The following TRIM8 variants were observed in gnomAD, a reference collection of about 807,000 sequenced individuals.
TRIM8 encodes the protein E3 ubiquitin-protein ligase TRIM8.
In TRIM8, 9 loss-of-function variants were observed where a neutral mutation model predicts 55.7. That is an observed-to-expected ratio of 0.16 (90% CI 0.10 to 0.28). The LOEUF is 0.28. Ranked by LOEUF, TRIM8 falls within the 10% of genes least tolerant of loss-of-function variation. The pLI is 1.00. For synonymous variants in TRIM8, 335 were observed against 333.3 expected, an observed-to-expected ratio of 1.01 and a Z score of -0.06; for missense variants, 556 against 736.4, an observed-to-expected ratio of 0.76 and a Z score of 2.83.
chr10:102,649,982 C>A (rs1340916490), intron 1 of TRIM8, among the ~76,000 whole-genome samples: 1 of 151,792 alleles, frequency 6.6e-6, no homozygotes, highest in African/African-American at 2.4e-5. Flanking sequence ...GCTGGCCGGG[C>A]AGGGACCTAA....
At position 102,656,499 on chromosome 10, in the gene TRIM8, T is replaced by C; in HGVS notation, c.1048+114T>C. ...CCAGTCTGGGAGACCTGTCCTCATATCCAGGCTTTGCCACTTGTAGCTGTG... is the reference window on the plus strand; with the variant it reads ...CCAGTCTGGGAGACCTGTCCTCATACCCAGGCTTTGCCACTTGTAGCTGTG... On this transcript the variant is annotated intron_variant, in intron 5 of 5. Coordinates refer to ENST00000643721, the MANE Select transcript of TRIM8 (RefSeq NM_030912.3). This position sits in a 1 kb window ranked among gnomAD's most constrained non-coding sequence, Gnocchi z 4.6. 1 of 1,468,218 alleles carries C rather than the reference T, an allele frequency of 6.8e-7. No individual in the cohort carries two copies. Among genetic ancestry groups the C allele is most frequent in the Middle Eastern group, 2.4e-4 (1 of 4,248 alleles). The allele number at this position is 1,468,218 out of a possible 1,614,324, so 90.9% of individuals were successfully genotyped here.
At chr10:102,649,590 C>T (rs577196778) in intron 1 of TRIM8, among the ~76,000 whole-genome samples, 11 of 152,316 alleles carry the variant, frequency 7.2e-5, no homozygotes, top group South Asian at 2.1e-4. Context: ...CTTTCTCTCT[C>T]GCCTCTTTGT....
chr10:102,655,370 A>G (rs2064016015), intron 3 of TRIM8, 57 bp downstream of exon 3: 1 of 1,517,752 alleles, frequency 6.6e-7, no homozygotes, highest in East Asian at 2.3e-5. Context: ...CCAAATTGAG[A>G]TCTGCAGTTT....
Position 102,656,985 on chromosome 10 carries a change from G to T in TRIM8, c.1287G>T (p.Pro429=). 1 of 1,612,444 alleles carries T rather than the reference G, an allele frequency of 6.2e-7. No individual in the cohort carries two copies. Among genetic ancestry groups the T allele is most frequent in the Non-Finnish European group, 8.5e-7 (1 of 1,179,742 alleles). ...CCACGCAGCACTTGGTGGCCCTGCC[G>T]GGCGGCGCCCAACCAGTGCACTCAA... is the stretch of plus-strand genomic sequence containing the variant. The part of the protein sequence containing the change: ...CSSTQHLVAL[P]GGAQPVHSSP... The change falls in exon 6 of 6, where the codon CCG becomes CCT. Residue 429 remains proline, a synonymous_variant. Coordinates refer to ENST00000643721, the MANE Select transcript of TRIM8 (RefSeq NM_030912.3). The surrounding 1 kb of genome is among the most constrained non-coding windows in gnomAD (Gnocchi z 4.6).
intron 1 of TRIM8, among the ~76,000 whole-genome samples, chr10:102,646,899 G>A (rs1246229055): frequency 6.6e-6 from 1 of 152,220 alleles, no homozygotes; most frequent in Non-Finnish European, 1.5e-5. Context: ...ATGGGCGGAT[G>A]CCTGCCCGCA....
intron 1 of TRIM8, among the ~76,000 whole-genome samples, chr10:102,651,234 T>C (rs187910821): frequency 6.6e-6 from 1 of 152,290 alleles, no homozygotes; most frequent in East Asian, 1.9e-4. Flanking sequence ...CCACCCAGAT[T>C]GCCTGGGACA....
chr10:102,657,354 A>T lies in TRIM8; in HGVS notation c.1656A>T (p.Ter552TyrextTer151). The T allele has an allele frequency of 6.4e-7, 1 of 1,559,082 alleles. No homozygotes were observed. Among genetic ancestry groups the T allele is most frequent in the Non-Finnish European group, 8.7e-7 (1 of 1,148,574 alleles). ...CCACCAAACACTACGTGACGAGCTA[A>T]CGCCACGCAGGCGGCGGGGCGCTGG... Reference protein sequence around the residue: ...QPSTKHYVTS* With the variant: ...QPSTKHYVTSY The change falls in exon 6 of 6, where the codon TAA (stop) becomes TAT (tyrosine). Residue 552 changes from the stop codon to tyrosine (Y), a stop_lost. Transcript: ENST00000643721.
chr10:102,652,985 G>T (rs3862031), intron 1 of TRIM8, among the ~76,000 whole-genome samples: 116,817 of 152,022 alleles, frequency 0.77, 45,738 homozygotes, highest in African/African-American at 0.92. Context: ...GTATTTTTAG[G>T]AGAGATGGGG....
At chr10:102,652,552 C>A (rs1012178825) in intron 1 of TRIM8, among the ~76,000 whole-genome samples, 2 of 152,126 alleles carry the variant, frequency 1.3e-5, no homozygotes, top group African/African-American at 4.8e-5. Flanking sequence ...CTCAGGCCGC[C>A]CAGGCCTTTG....
chr10:102,650,866 A>G (rs1372594778), intron 1 of TRIM8, among the ~76,000 whole-genome samples: 5 of 151,986 alleles, frequency 3.3e-5, no homozygotes, highest in African/African-American at 1.2e-4. Flanking sequence ...GTTTTCCAGC[A>G]TTTTCCAGTG....
chr10:102,656,534 G>C lies in TRIM8; in HGVS notation c.1048+149G>C, dbSNP rs1023105617. On this transcript the variant is annotated intron_variant, in intron 5 of 5. Transcript: ENST00000643721. This position sits in a 1 kb window ranked among gnomAD's most constrained non-coding sequence, Gnocchi z 4.6. ...GCCACTTGTAGCTGTGGGACAGTGGGTAAGCAACATGACCTCCCCAGCCTC... is the reference window on the plus strand; with the variant it reads ...GCCACTTGTAGCTGTGGGACAGTGGCTAAGCAACATGACCTCCCCAGCCTC... 7.3e-7 allele frequency: 1 copy of C among 1,362,670 alleles called. No homozygotes were observed. The highest frequency in any genetic ancestry group is 9.8e-7 in the Non-Finnish European group (1 of 1,015,410). The allele number at this position is 1,362,670 out of a possible 1,614,324, so 84.4% of individuals were successfully genotyped here.
intron 1 of TRIM8, among the ~76,000 whole-genome samples, chr10:102,647,434 C>T (rs2063945879): frequency 6.6e-6 from 1 of 152,228 alleles, no homozygotes; most frequent in Non-Finnish European, 1.5e-5. Context: ...GTGCCCCAGG[C>T]CACTGGGGTT....
rs1469810270 is a variant in TRIM8 at position 102,656,597 on chromosome 10, T to C, written c.1049-150T>C. The C allele has an allele frequency of 1.5e-6, 2 of 1,348,166 alleles. No individual in the cohort carries two copies. The highest frequency in any genetic ancestry group is 2.9e-5 in the African/African-American group (2 of 67,798). 83.5% of individuals were successfully genotyped at this position (1,348,166 alleles called of 1,614,324 possible). ...TTAAAGTGGGGATATAACTATTCTGTACCTCCTAATGGTAGAGGAGCAAGC... is the reference window on the plus strand; with the variant it reads ...TTAAAGTGGGGATATAACTATTCTGCACCTCCTAATGGTAGAGGAGCAAGC... On this transcript the variant is annotated intron_variant, in intron 5 of 5. Transcript: ENST00000643721. The surrounding 1 kb of genome is among the most constrained non-coding windows in gnomAD (Gnocchi z 4.6).
Position 102,644,976 on chromosome 10 carries a change from A to C in TRIM8, c.359A>C (p.Gln120Pro). 1 of 1,599,270 alleles carries C rather than the reference A, an allele frequency of 6.3e-7. No individual in the cohort carries two copies. Among genetic ancestry groups the C allele is most frequent in the Non-Finnish European group, 8.5e-7 (1 of 1,174,708 alleles). ...CEAPCCQSHV[Q>P]THLQQPSTAR... is the part of the protein sequence containing the mutation. ...GCGCCCTGCTGCCAGTCCCACGTGC[A>C]GACGCACCTGCAGCAGCCCTCCACC... Residue 120 changes from glutamine (Q) to proline (P), a missense_variant, in exon 1 of 6, where the codon CAG (glutamine) becomes CCG (proline). Physicochemically the swap from Gln to Pro is moderately conservative, Grantham distance 76. Transcript: ENST00000643721.
Position 102,656,784 on chromosome 10 carries a change from C to A in TRIM8, c.1086C>A (p.Val362=). The A allele has an allele frequency of 1.3e-6, 2 of 1,515,542 alleles. No individual in the cohort carries two copies. The allele number at this position is 1,515,542 out of a possible 1,614,324, so 93.9% of individuals were successfully genotyped here. A position where few individuals can be genotyped will look rare whatever the true frequency, so the allele number is the denominator to read the frequency against. Residue 362 remains valine, a synonymous_variant, in exon 6 of 6, where the codon GTC becomes GTA. Transcript: ENST00000643721. The surrounding 1 kb of genome is among the most constrained non-coding windows in gnomAD (Gnocchi z 4.6). ...FSTPVPFLQS[V]PLYPCGVSSS... ...CGCCGGTGCCCTTCCTGCAGAGTGT[C>A]CCCCTGTACCCTTGCGGCGTGAGCA... is the stretch of plus-strand genomic sequence containing the variant.
In TRIM8 at chr10:102,644,559, C is replaced by A. The variant is rs1352612248; in HGVS notation, c.-59C>A. Reference sequence around the variant, plus strand: ...TCGGTGGGCCTACAGCGGCTCCGGACGGACCCCCGGGGCTGGGGAGTCGGG... The same window carrying A: ...TCGGTGGGCCTACAGCGGCTCCGGAAGGACCCCCGGGGCTGGGGAGTCGGG... On this transcript the variant is annotated 5_prime_UTR_variant, in exon 1 of 6. Coordinates refer to ENST00000643721, the MANE Select transcript of TRIM8 (RefSeq NM_030912.3). 48 of 1,543,470 alleles carry A rather than the reference C, an allele frequency of 3.1e-5. No individual in the cohort carries two copies. Among genetic ancestry groups the A allele is most frequent in the Non-Finnish European group, 4.2e-5 (48 of 1,138,704 alleles).
At chr10:102,646,912 C>T (rs1416916376) in intron 1 of TRIM8, among the ~76,000 whole-genome samples, 3 of 152,226 alleles carry the variant, frequency 2.0e-5, no homozygotes, top group African/African-American at 7.2e-5. Flanking sequence ...TGCCCGCACC[C>T]ACAGTGCTGC....
chr10:102,654,951 A>G (rs2064011399), intron 2 of TRIM8, 129 bp from the exon 3 acceptor site: 1 of 1,129,204 alleles, frequency 8.9e-7, no homozygotes, highest in Non-Finnish European at 1.3e-6. Flanking sequence ...GGCAGGTCAG[A>G]CCTTGCCCTT....
intron 2 of TRIM8, 55 bp from the exon 3 acceptor site, chr10:102,655,025 A>T: frequency 6.3e-7 from 1 of 1,590,666 alleles, no homozygotes; most frequent in Non-Finnish European, 8.6e-7. Flanking sequence ...AGGGGGGGAA[A>T]CCAAAGGTTT....
Sources: gnomAD v4.1 joint callset for allele counts (sites outside exome capture counted in the v4.1 genomes callset) on GRCh38, gnomAD v4.1.1 for gene constraint, Gnocchi (gnomAD v3.1) non-coding constraint, MANE v1.5 for transcripts, NCBI Gene and HGNC (gene_info 2026-07-23, HGNC 2026-07-21) for gene names.